Variants in SDK1 observed in about 807,000 individuals in gnomAD.
SDK1 encodes protein sidekick-1.
A neutral mutation model predicts 245.5 loss-of-function variants in SDK1; 157 were observed. The ratio of observed to expected loss-of-function variants is 0.64; its 90% confidence interval spans 0.56 to 0.73. The LOEUF (loss-of-function observed/expected upper bound fraction) is 0.73. Ranked by LOEUF, SDK1 falls within the 30% of genes least tolerant of loss-of-function variation. SDK1 has a pLI of 0.00. For synonymous variants in SDK1, 1,647 were observed against 1,278.5 expected (o/e 1.29, Z -6.15); for missense variants, 3,583 against 3,002.3 (o/e 1.19, Z -4.52).
At chr7:3,434,870 G>A (rs1207258088) in intron 1 of SDK1, among the ~76,000 whole-genome samples, 1 of 152,124 alleles carries the variant, frequency 6.6e-6, no homozygotes, top group Non-Finnish European at 1.5e-5. Context: ...AGAAAACTGA[G>A]ATACAGGTTA....
At chr7:3,307,103 A>G (rs1382761477) in intron 1 of SDK1, among the ~76,000 whole-genome samples, 4 of 152,200 alleles carry the variant, frequency 2.6e-5, no homozygotes, top group Admixed American at 2.0e-4. Context: ...ATTTGATTAA[A>G]TACTCCTGGT....
At chr7:3,617,771 C>T (rs906344086) in intron 1 of SDK1, among the ~76,000 whole-genome samples, 2 of 152,166 alleles carry the variant, frequency 1.3e-5, no homozygotes, top group Admixed American at 6.5e-5. Flanking sequence ...TAATCCATTC[C>T]TGAAGGTAGA....
intron 4 of SDK1, among the ~76,000 whole-genome samples, chr7:3,764,653 G>C (rs573519263): frequency 6.6e-6 from 1 of 152,072 alleles, no homozygotes; most frequent in Non-Finnish European, 1.5e-5. Flanking sequence ...CCGCACTCTA[G>C]CCTGGGCGAC....
At chr7:3,463,243 C>CA (rs1333085270) in intron 1 of SDK1, among the ~76,000 whole-genome samples, 3 of 152,162 alleles carry the variant, frequency 2.0e-5, no homozygotes, top group Non-Finnish European at 4.4e-5. Context: ...ATTAATATCT[C>CA]AGTAACCATG....
chr7:3,997,957 G>C (rs1321709960), intron 14 of SDK1, among the ~76,000 whole-genome samples: 3 of 152,228 alleles, frequency 2.0e-5, no homozygotes, highest in Non-Finnish European at 4.4e-5. Context: ...CCAAGCCTGC[G>C]AGGGCAGGGG....
chr7:4,260,305 G>A (rs560222501), intron 44 of SDK1, among the ~76,000 whole-genome samples: 9 of 138,108 alleles, frequency 6.5e-5, no homozygotes, highest in South Asian at 2.6e-4. Context: ...TGTGTTCATC[G>A]TCACCTGATG....
chr7:3,989,802 G>T (rs191627488), intron 14 of SDK1, among the ~76,000 whole-genome samples: 1 of 152,116 alleles, frequency 6.6e-6, no homozygotes, highest in South Asian at 2.1e-4. Flanking sequence ...CTACACCCTC[G>T]CCCTTCCCTG....
chr7:3,490,996 T>A (rs947998719), intron 1 of SDK1, among the ~76,000 whole-genome samples: 3 of 152,234 alleles, frequency 2.0e-5, no homozygotes, highest in East Asian at 3.8e-4. Context: ...GTCAACAGAC[T>A]GATCACCTTG....
chr7:3,768,721 C>G (rs974049681), intron 4 of SDK1, among the ~76,000 whole-genome samples: 4 of 152,174 alleles, frequency 2.6e-5, no homozygotes, highest in African/African-American at 9.7e-5. Flanking sequence ...CGTTTATGCT[C>G]AACACTGAGA....
intron 5 of SDK1, among the ~76,000 whole-genome samples, chr7:3,936,373 A>C (rs1219951045): frequency 6.6e-6 from 1 of 152,064 alleles, no homozygotes; most frequent in Non-Finnish European, 1.5e-5. Context: ...CAAGGTCAGG[A>C]GATCGAGAAC....
intron 29 of SDK1, 107 bp from the exon 30 acceptor site, chr7:4,149,155 T>G: frequency 2.4e-6 from 2 of 819,320 alleles, no homozygotes; most frequent in Non-Finnish European, 3.4e-6. Context: ...TGCAGGCAGC[T>G]CTCATGGGCA....
At chr7:3,493,935 A>T (rs1213329620) in intron 1 of SDK1, among the ~76,000 whole-genome samples, 1 of 152,238 alleles carries the variant, frequency 6.6e-6, no homozygotes, top group Non-Finnish European at 1.5e-5. Flanking sequence ...AAGTCATCAA[A>T]TGTTTCAGTG....
At chr7:4,114,375 G>A in intron 25 of SDK1, 101 bp downstream of exon 25, 1 of 886,196 alleles carries the variant, frequency 1.1e-6, no homozygotes, top group Admixed American at 2.5e-5. Context: ...TCATTGGCCT[G>A]TCCCACTTGT....
At chr7:3,996,332 TTC>T (rs1784697998) in intron 14 of SDK1, among the ~76,000 whole-genome samples, 1 of 152,206 alleles carries the variant, frequency 6.6e-6, no homozygotes, top group South Asian at 2.1e-4. Flanking sequence ...AACAACTCTC[TTC>T]AACTTTTCAG....
At chr7:3,741,227 C>A (rs1320090852) in intron 4 of SDK1, among the ~76,000 whole-genome samples, 1 of 152,166 alleles carries the variant, frequency 6.6e-6, no homozygotes, top group African/African-American at 2.4e-5. Flanking sequence ...TGGGACTGGC[C>A]AGTGTGTTTT....
intron 7 of SDK1, among the ~76,000 whole-genome samples, chr7:3,955,025 G>A (rs1414871646): frequency 6.6e-6 from 1 of 152,014 alleles, no homozygotes; most frequent in Non-Finnish European, 1.5e-5. Flanking sequence ...CTTAGTGCCT[G>A]TGAGATGCAT....
Position 4,175,816 on chromosome 7 carries a change from A to G in SDK1, c.4978A>G (p.Thr1660Ala), listed in dbSNP as rs776383602. Reference protein sequence around the residue: ...FKTVNSSSTSTMCELTHLKKY... With the variant: ...FKTVNSSSTSAMCELTHLKKY... ...GACGGTGAACAGCAGCTCCACATCG[A>G]CGATGTGTGAACTAACACGTAAGTG... Residue 1660 changes from threonine to alanine, a missense_variant, in exon 34 of 45, where the codon ACG becomes GCG. By Grantham distance (58) the Thr-to-Ala change is moderately conservative. Transcript: ENST00000404826. 12 of 1,613,476 alleles carry G rather than the reference A, an allele frequency of 7.4e-6. No individual in the cohort carries two copies. Among genetic ancestry groups the G allele is most frequent in the Non-Finnish European group, 9.3e-6 (11 of 1,179,860 alleles).
intron 4 of SDK1, among the ~76,000 whole-genome samples, chr7:3,751,804 C>G (rs1026068526): frequency 6.6e-5 from 10 of 152,156 alleles, no homozygotes; most frequent in Non-Finnish European, 1.2e-4. Flanking sequence ...GATAGCCCTC[C>G]CCTTCCATTT....
chr7:3,850,773 C>A (rs1323244067), intron 5 of SDK1, among the ~76,000 whole-genome samples: 1 of 151,592 alleles, frequency 6.6e-6, no homozygotes, highest in Non-Finnish European at 1.5e-5. Flanking sequence ...AAACCAAACA[C>A]CGCATGTTCT....
Sources: gnomAD v4.1 joint callset for allele counts (sites outside exome capture counted in the v4.1 genomes callset) on GRCh38, gnomAD v4.1.1 for gene constraint, MANE v1.5 for transcripts, NCBI Gene and HGNC (gene_info 2026-07-23, HGNC 2026-07-21) for gene names.